Variants in IGSF11 observed in about 807,000 individuals in gnomAD.
IGSF11 encodes CXADR like 1.
IGSF11 carries 22 observed loss-of-function variants against 41.0 expected under a neutral mutation model. The ratio of observed to expected loss-of-function variants is 0.54; its 90% CI spans 0.38 to 0.77. IGSF11 has a LOEUF of 0.77. Ranked by LOEUF, IGSF11 falls within the 30% of genes least tolerant of loss-of-function variation. The pLI is 0.00. For missense variants in IGSF11, 444 were observed against 530.8 expected, an observed-to-expected ratio of 0.84 and a Z score of 1.61; for synonymous variants, 219 against 201.3, an observed-to-expected ratio of 1.09 and a Z score of -0.74.
At chr3:119,101,487 G>A (rs2076939743) in intron 1 of IGSF11, among the ~76,000 whole-genome samples, 1 of 151,978 alleles carries the variant, frequency 6.6e-6, no homozygotes, top group Non-Finnish European at 1.5e-5. Flanking sequence ...CTCCAGCCTG[G>A]GCAACAGGAG....
chr3:119,047,967 A>G (rs1361025399), intron 1 of IGSF11, among the ~76,000 whole-genome samples: 1 of 152,240 alleles, frequency 6.6e-6, no homozygotes, highest in Non-Finnish European at 1.5e-5. Context: ...AAGACATGAC[A>G]TACCAGAATC....
Position 119,118,921 on chromosome 3 carries a change from C to G in IGSF11, c.-13-13716G>C, listed in dbSNP as rs554930628. Reference sequence around the variant, plus strand: ...CTGTGCTAAAATGTAACAAGAATCACCTTTGCTCCAGTTCCCAACAAGTTC... The same window carrying G: ...CTGTGCTAAAATGTAACAAGAATCAGCTTTGCTCCAGTTCCCAACAAGTTC... On this transcript the variant is annotated intron_variant, in intron 1 of 7. Transcript: ENST00000425327. Among the ~76,000 whole-genome samples the G allele has an allele frequency of 2.0e-5, 3 of 152,344 alleles. No individual in the cohort carries two copies. The South Asian group carries it at 6.2e-4, about 32-fold the overall frequency.
upstream of IGSF11, among the ~76,000 whole-genome samples, chr3:119,037,816 A>C (rs1450882631): frequency 1.3e-5 from 2 of 152,236 alleles, no homozygotes; most frequent in African/African-American, 2.4e-5. Flanking sequence ...GTAGGGAATT[A>C]TAAGGATTTC....
Position 119,029,275 on chromosome 3 carries a change from C to CACACACA in IGSF11, c.52+5255_52+5256insTGTGTGT, listed in dbSNP as rs1553716797. 1.4e-3 allele frequency among the ~76,000 whole-genome samples: 205 copies of CACACACA among 145,544 alleles called. 1 individual carries two copies. Among genetic ancestry groups the CACACACA allele is most frequent in the Middle Eastern group, 3.4e-3 (1 of 292 alleles). Reference sequence around the variant, plus strand: ...ACACACACACACACACACACACACACCCGAGAGAGAGAGAGAATGCGAGAG... The same window carrying CACACACA: ...ACACACACACACACACACACACACACACACACACCGAGAGAGAGAGAGAATGCGAGAG... On this transcript the variant is annotated intron_variant, in intron 1 of 6. Coordinates refer to ENST00000393775, the MANE Select transcript of IGSF11 (RefSeq NM_001015887.3).
chr3:118,987,167 T>G (rs546041441), intron 1 of IGSF11, among the ~76,000 whole-genome samples: 1 of 152,338 alleles, frequency 6.6e-6, no homozygotes, highest in South Asian at 2.1e-4. Flanking sequence ...CATTTTGGTA[T>G]TTGAAAGATA....
intron 1 of IGSF11, among the ~76,000 whole-genome samples, chr3:119,119,434 A>T (rs2077302817): frequency 2.0e-5 from 3 of 152,172 alleles, no homozygotes; most frequent in Admixed American, 2.0e-4. Context: ...CACAGGAAAG[A>T]CCTGTCCCCA....
intron 1 of IGSF11, among the ~76,000 whole-genome samples, chr3:119,009,420 G>A (rs907568598): frequency 6.6e-6 from 1 of 152,142 alleles, no homozygotes; most frequent in Non-Finnish European, 1.5e-5. Flanking sequence ...GGATCATGGG[G>A]GCAGTTTCCC....
intron 1 of IGSF11, among the ~76,000 whole-genome samples, chr3:119,054,474 C>T (rs1192870986): frequency 1.3e-5 from 2 of 152,148 alleles, no homozygotes; most frequent in Non-Finnish European, 2.9e-5. Context: ...GTCAAAACCA[C>T]AATGTGATAC....
intron 1 of IGSF11, among the ~76,000 whole-genome samples, chr3:119,060,957 A>T (rs1464057391): frequency 6.6e-6 from 1 of 152,214 alleles, no homozygotes; most frequent in East Asian, 1.9e-4. Context: ...AACATGAAAG[A>T]CTAAGTAAAT....
At chr3:119,111,250 T>C (rs1427312787) in intron 1 of IGSF11, among the ~76,000 whole-genome samples, 5 of 152,250 alleles carry the variant, frequency 3.3e-5, no homozygotes, top group Non-Finnish European at 5.9e-5. Flanking sequence ...GATTTGGTCT[T>C]TCCACATAGA....
intron 1 of IGSF11, among the ~76,000 whole-genome samples, chr3:119,128,573 A>G (rs2077436074): frequency 6.6e-6 from 1 of 152,190 alleles, no homozygotes; most frequent in Non-Finnish European, 1.5e-5. Context: ...AAACAAATAA[A>G]AAGAAAAAAA....
intron 1 of IGSF11, chr3:118,947,658 G>T (rs535719079): frequency 6.6e-6 from 1 of 152,238 alleles, no homozygotes; most frequent in South Asian, 2.1e-4. Context: ...TTCTGATAAA[G>T]AACACACCTT....
At chr3:119,038,898 G>A (rs950582301), upstream of IGSF11, among the ~76,000 whole-genome samples, 1 of 152,156 alleles carries the variant, frequency 6.6e-6, no homozygotes, top group African/African-American at 2.4e-5. Flanking sequence ...TAGAGACCTT[G>A]ATTTATTAAA....
At chr3:119,034,496 G>C (rs759105941) in intron 1 of IGSF11, 35 bp downstream of exon 1, 85 of 1,528,212 alleles carry the variant, frequency 5.6e-5, no homozygotes, top group Non-Finnish European at 7.3e-5. Flanking sequence ...GACCCGGCCT[G>C]GCCCCACCGG....
intron 1 of IGSF11, among the ~76,000 whole-genome samples, chr3:119,123,077 T>G (rs1333330442): frequency 6.6e-6 from 1 of 152,146 alleles, no homozygotes; most frequent in Non-Finnish European, 1.5e-5. Flanking sequence ...GGTTCTTGGA[T>G]GGCATTTCTA....
intron 1 of IGSF11, among the ~76,000 whole-genome samples, chr3:119,059,053 A>C (rs1405221789): frequency 3.9e-5 from 6 of 152,052 alleles, no homozygotes; most frequent in South Asian, 2.1e-4. Context: ...GCAGCGCACC[A>C]ACATGGCACA....
chr3:119,111,263 C>A (rs1303857549), intron 1 of IGSF11, among the ~76,000 whole-genome samples: 1 of 152,194 alleles, frequency 6.6e-6, no homozygotes, highest in Admixed American at 6.5e-5. Context: ...CACATAGACC[C>A]ATATTTCTTG....
intron 4 of IGSF11, among the ~76,000 whole-genome samples, chr3:118,909,027 G>C (rs1939949382): frequency 6.6e-6 from 1 of 152,126 alleles, no homozygotes; most frequent in Non-Finnish European, 1.5e-5. Context: ...TATAGTATAT[G>C]GTAATGTTTC....
chr3:119,139,887 T>A (rs191992737), intron 1 of IGSF11, among the ~76,000 whole-genome samples: 1 of 152,206 alleles, frequency 6.6e-6, no homozygotes, highest in South Asian at 2.1e-4. Flanking sequence ...GGGAACATAG[T>A]ATACTGGAGC....
Sources: allele counts gnomAD v4.1 joint callset (sites outside exome capture counted in the v4.1 genomes callset), GRCh38; gene constraint gnomAD v4.1.1; transcripts MANE v1.5; gene names NCBI Gene and HGNC (gene_info 2026-07-23, HGNC 2026-07-21).